PLBD1: variants seen among roughly 807,000 people sequenced by gnomAD.
PLBD1 encodes phospholipase B domain containing 1.
PLBD1 carries 60 observed loss-of-function variants against 63.0 expected under a neutral mutation model. The ratio of observed to expected loss-of-function variants is 0.95; its 90% CI spans 0.77 to 1.18. PLBD1 has a LOEUF of 1.18. PLBD1 is among the 50% of genes most tolerant of loss of function. PLBD1 has a pLI of 0.00. For missense variants in PLBD1, 598 were observed against 677.9 expected, an observed-to-expected ratio of 0.88 and a Z score of 1.31; for synonymous variants, 262 against 248.0, an observed-to-expected ratio of 1.06 and a Z score of -0.53.
At chr12:14,565,472 TAAA>T (rs536473852) in intron 1 of PLBD1, among the ~76,000 whole-genome samples, 1 of 130,882 alleles carries the variant, frequency 7.6e-6, no homozygotes. Context: ...GAAATAATAG[TAAA>T]AAAAAAAAAA....
chr12:14,525,204 G>A (rs1346510573), intron 6 of PLBD1, among the ~76,000 whole-genome samples: 2 of 152,186 alleles, frequency 1.3e-5, no homozygotes, highest in African/African-American at 4.8e-5. Flanking sequence ...GGAGGTTGCA[G>A]TGAACTGAGA....
At chr12:14,515,111 T>C (rs1353534803) in intron 6 of PLBD1, among the ~76,000 whole-genome samples, 1 of 152,174 alleles carries the variant, frequency 6.6e-6, no homozygotes, top group Non-Finnish European at 1.5e-5. Flanking sequence ...TATGTAGTCA[T>C]GCAAATGGCA....
intron 5 of PLBD1, 56 bp downstream of exon 5, chr12:14,536,514 A>G (rs1945515758): frequency 4.4e-6 from 7 of 1,586,210 alleles, no homozygotes; most frequent in Non-Finnish European, 6.0e-6. Flanking sequence ...CTTGGGCGCT[A>G]TATAGAAAAA....
At position 14,534,817 on chromosome 12, in the gene PLBD1, T is replaced by C. The variant is rs535848963; in HGVS notation, c.844+842A>G. Among the ~76,000 whole-genome samples the C allele has an allele frequency of 6.3e-4, 96 of 152,248 alleles. 1 individual carries two copies. Among genetic ancestry groups the C allele is most frequent in the African/African-American group, 1.9e-3 (77 of 41,528 alleles). On this transcript the variant is annotated intron_variant, in intron 6 of 10. Transcript: ENST00000240617. ...TTGGCCTCCCAAAGTGTTGGGATTA[T>C]AGGCGTGAGCACCTGGCCTCCACTG...
intron 1 of PLBD1, among the ~76,000 whole-genome samples, chr12:14,561,211 AAAC>A (rs1945740306): frequency 6.6e-6 from 1 of 151,188 alleles, no homozygotes; most frequent in African/African-American, 2.4e-5. Flanking sequence ...ACTAGCTTCA[AAAC>A]AACAATCCAC....
At chr12:14,527,408 C>T in intron 6 of PLBD1, among the ~76,000 whole-genome samples, 1 of 152,144 alleles carries the variant, frequency 6.6e-6, no homozygotes, top group East Asian at 1.9e-4. Context: ...ACAGAGGATA[C>T]ATGCTCCCAA....
chr12:14,565,564 T>C (rs1319679420), intron 1 of PLBD1, among the ~76,000 whole-genome samples: 1 of 152,192 alleles, frequency 6.6e-6, no homozygotes, highest in Non-Finnish European at 1.5e-5. Flanking sequence ...TCCAAGGGGA[T>C]GGACATGCAA....
chr12:14,550,237 G>C (rs1945646218), intron 2 of PLBD1, among the ~76,000 whole-genome samples: 1 of 152,170 alleles, frequency 6.6e-6, no homozygotes. Flanking sequence ...AGAGTTGCTA[G>C]CAAGAGTGAA....
chr12:14,519,764 C>T (rs1226902194), intron 6 of PLBD1, among the ~76,000 whole-genome samples: 2 of 152,152 alleles, frequency 1.3e-5, no homozygotes, highest in Non-Finnish European at 2.9e-5. Context: ...GGACTCTCAG[C>T]TTCTAGAACT....
chr12:14,534,314 C>G (rs1945492553), intron 6 of PLBD1, among the ~76,000 whole-genome samples: 1 of 152,140 alleles, frequency 6.6e-6, no homozygotes, highest in Non-Finnish European at 1.5e-5. Flanking sequence ...GGTGTTTTCC[C>G]CTTGACTTTG....
chr12:14,542,597 C>G (rs1211585768), intron 2 of PLBD1, among the ~76,000 whole-genome samples: 1 of 152,190 alleles, frequency 6.6e-6, no homozygotes. Flanking sequence ...CCTCTGTGTG[C>G]ACTTCCTGAT....
chr12:14,542,910 G>C (rs1308962436), intron 2 of PLBD1, among the ~76,000 whole-genome samples: 1 of 152,162 alleles, frequency 6.6e-6, no homozygotes, highest in Admixed American at 6.5e-5. Flanking sequence ...AGCCAGGCGT[G>C]GTGGCGGGCG....
chr12:14,522,910 A>G (rs572934000), intron 6 of PLBD1, among the ~76,000 whole-genome samples: 1 of 152,238 alleles, frequency 6.6e-6, no homozygotes, highest in African/African-American at 2.4e-5. Context: ...CTAGCATCAT[A>G]CTGAATGGGG....
At chr12:14,515,235 G>A (rs1945329008) in intron 6 of PLBD1, among the ~76,000 whole-genome samples, 1 of 152,094 alleles carries the variant, frequency 6.6e-6, no homozygotes, top group East Asian at 1.9e-4. Flanking sequence ...ATCATCTTAT[G>A]ACCAGTTAAT....
At chr12:14,520,412 G>T (rs1056456672) in intron 6 of PLBD1, among the ~76,000 whole-genome samples, 5 of 152,226 alleles carry the variant, frequency 3.3e-5, no homozygotes, top group African/African-American at 1.2e-4. Flanking sequence ...TGCACACTGT[G>T]CAGGTGACAT....
At chr12:14,541,095 A>T (rs1389650971) in intron 3 of PLBD1, among the ~76,000 whole-genome samples, 193 bp from the exon 4 acceptor site, 2 of 152,200 alleles carry the variant, frequency 1.3e-5, no homozygotes, top group African/African-American at 4.8e-5. Flanking sequence ...CCCTAGGGTT[A>T]TGATTCTTCT....
chr12:14,513,954 C>T (rs1276508141), intron 6 of PLBD1, among the ~76,000 whole-genome samples: 1 of 151,872 alleles, frequency 6.6e-6, no homozygotes, highest in Admixed American at 6.6e-5. Flanking sequence ...TAATTTTTTG[C>T]ATTTTTAGTA....
Position 14,564,080 on chromosome 12 carries a change from T to C in PLBD1, c.115+3502A>G, listed in dbSNP as rs1592012596. On this transcript the variant is annotated intron_variant, in intron 1 of 10. Coordinates refer to ENST00000240617, the MANE Select transcript of PLBD1 (RefSeq NM_024829.6). ...CATAGTGAGACTCTATCTCTACAAA[T>C]AATTTTTTTTTTTAATTAGCCAAGT... is the stretch of plus-strand genomic sequence containing the variant. Among the ~76,000 whole-genome samples the C allele has an allele frequency of 2.6e-5, 4 of 152,150 alleles. 1 individual carries two copies. The highest frequency in any genetic ancestry group is 2.6e-4 in the Admixed American group (4 of 15,294).
rs752726253 is a variant in PLBD1, at chr12:14,503,917, T to C, written c.1517A>G (p.Tyr506Cys). 1.9e-6 allele frequency: 3 copies of C among 1,613,980 alleles called. No individual in the cohort carries two copies. Among genetic ancestry groups the C allele is most frequent in the South Asian group, 1.1e-5 (1 of 91,074 alleles). ...TTGTACTGTGGGACCACTTATGGCA[T>C]AGGATGTGTACTGAGATGCTAGGTA... The part of the protein sequence containing the change: ...DIYLASQYTS[Y>C]AISGPTVQGG... Residue 506 changes from tyrosine (Y) to cysteine (C), a missense_variant, in exon 11 of 11, where the codon TAT becomes TGT. Coordinates refer to ENST00000240617, the MANE Select transcript of PLBD1 (RefSeq NM_024829.6).
Sources: gnomAD v4.1 joint callset for allele counts (sites outside exome capture counted in the v4.1 genomes callset) on GRCh38, gnomAD v4.1.1 for gene constraint, MANE v1.5 for transcripts, NCBI Gene and HGNC (gene_info 2026-07-23, HGNC 2026-07-21) for gene names.